UNC79: variants seen among roughly 807,000 people sequenced by gnomAD.
UNC79 encodes the protein protein unc-79 homolog.
UNC79 carries 37 observed loss-of-function variants against 283.1 expected under a neutral mutation model. That is an observed-to-expected ratio of 0.13 (90% CI 0.10 to 0.17). UNC79 has a LOEUF of 0.17. UNC79 is among the 10% of genes least tolerant of loss of function. UNC79 has a pLI of 1.00. For missense variants in UNC79, 2,272 were observed against 3,211.1 expected (o/e 0.71, Z 7.07); for synonymous variants, 1,107 against 1,200.2 (o/e 0.92, Z 1.61).
At chr14:93,525,050 A>C (rs1474963168) in intron 8 of UNC79, among the ~76,000 whole-genome samples, 1 of 152,212 alleles carries the variant, frequency 6.6e-6, no homozygotes, top group East Asian at 1.9e-4. Flanking sequence ...TGCCGGTAAT[A>C]ACACTGTCAT....
chr14:93,615,720 CAAAAAA>C (rs1158073507), intron 27 of UNC79, among the ~76,000 whole-genome samples: 3 of 23,290 alleles, frequency 1.3e-4, no homozygotes, highest in African/African-American at 2.0e-4. Context: ...GACTCCATCT[CAAAAAA>C]AAAAAAAAAA....
chr14:93,455,508 T>C (rs2140188779), intron 1 of UNC79, among the ~76,000 whole-genome samples: 1 of 152,236 alleles, frequency 6.6e-6, no homozygotes, highest in South Asian at 2.1e-4. Flanking sequence ...TGTGTGTGTG[T>C]AGGGGGCTAT....
At chr14:93,624,192 A>T (rs1205248946) in intron 30 of UNC79, among the ~76,000 whole-genome samples, 1 of 152,174 alleles carries the variant, frequency 6.6e-6, no homozygotes, top group Non-Finnish European at 1.5e-5. Flanking sequence ...AGGCATTTCC[A>T]GAGGTTTCTA....
intron 30 of UNC79, among the ~76,000 whole-genome samples, chr14:93,624,569 A>G (rs1018111857): frequency 3.9e-5 from 6 of 152,148 alleles, no homozygotes; most frequent in African/African-American, 1.4e-4. Flanking sequence ...TGGCTTCTTT[A>G]TTCACCCTTA....
chr14:93,353,760 A>G lies in UNC79; in HGVS notation c.-351+20237A>G, dbSNP rs566816105. Among the ~76,000 whole-genome samples, 19 of 152,334 alleles carry G rather than the reference A, an allele frequency of 1.2e-4. No homozygotes were observed. The East Asian group carries it at 2.5e-3, about 20-fold the overall frequency. On this transcript the variant is annotated intron_variant, in intron 1 of 49. Coordinates refer to the UNC79 transcript ENST00000256339. ...GTTCAATATTTGATCACGTTTGGAC[A>G]CTTACTGTACACCACTGTACACTGT...
chr14:93,506,157 A>G (rs926283619), intron 7 of UNC79, among the ~76,000 whole-genome samples: 1 of 151,124 alleles, frequency 6.6e-6, no homozygotes, highest in African/African-American at 2.4e-5. Context: ...ACGTTTTCTC[A>G]GTTAGTGTTT....
intron 34 of UNC79, among the ~76,000 whole-genome samples, chr14:93,645,913 C>CT (rs1306785931): frequency 6.6e-6 from 1 of 152,058 alleles, no homozygotes; most frequent in Non-Finnish European, 1.5e-5. Flanking sequence ...ACTCTTACAC[C>CT]TGTAGTCCTA....
intron 41 of UNC79, among the ~76,000 whole-genome samples, chr14:93,682,157 G>T (rs2073898542): frequency 6.6e-6 from 1 of 152,218 alleles, no homozygotes; most frequent in Non-Finnish European, 1.5e-5. Context: ...GCAGGAAGAT[G>T]AGATGCTGAA....
intron 14 of UNC79, among the ~76,000 whole-genome samples, chr14:93,561,769 C>T (rs749126607): frequency 1.1e-4 from 17 of 152,106 alleles, no homozygotes; most frequent in African/African-American, 1.7e-4. Flanking sequence ...TTAAGAGTGG[C>T]GGTTTGGGGA....
chr14:93,538,225 C>A lies in UNC79; in HGVS notation c.1352+7C>A. ...CCGTGGAAGCCGTGATCAGGTAACA[C>A]GCAGTTTCTTAGTAGCTGCCTCTGA... is the stretch of plus-strand genomic sequence containing the variant. On this transcript the variant is annotated splice_region_variant and intron_variant, in intron 12 of 48. Coordinates refer to ENST00000555664, the Ensembl canonical transcript of UNC79. The A allele has an allele frequency of 6.4e-7, 1 of 1,564,478 alleles. No homozygotes were observed. Among genetic ancestry groups the A allele is most frequent in the African/African-American group, 1.4e-5 (1 of 73,772 alleles).
At chr14:93,641,980 C>A (rs2069080073) in intron 33 of UNC79, among the ~76,000 whole-genome samples, 1 of 152,188 alleles carries the variant, frequency 6.6e-6, no homozygotes, top group Admixed American at 6.5e-5. Context: ...TGTGACTTTG[C>A]TCCCCCTTGC....
chr14:93,417,754 C>G (rs912202902), intron 1 of UNC79, among the ~76,000 whole-genome samples: 6 of 152,016 alleles, frequency 3.9e-5, no homozygotes, highest in Middle Eastern at 3.2e-3. Context: ...CTTCCCTTCT[C>G]GCTTCATTTC....
chr14:93,537,736 A>AG (rs1460232362), intron 11 of UNC79, among the ~76,000 whole-genome samples: 1 of 152,216 alleles, frequency 6.6e-6, no homozygotes, highest in Non-Finnish European at 1.5e-5. Flanking sequence ...AACTTTACAC[A>AG]GGGCTTCCCA....
At chr14:93,532,740 C>G (rs1455834620) in intron 11 of UNC79, among the ~76,000 whole-genome samples, 162 bp downstream of exon 11, 2 of 152,186 alleles carry the variant, frequency 1.3e-5, no homozygotes, top group Admixed American at 1.3e-4. Context: ...AAGATTGCTA[C>G]ATCCAAATGG....
intron 47 of UNC79, among the ~76,000 whole-genome samples, chr14:93,700,441 T>C (rs2075444948): frequency 6.6e-6 from 1 of 152,220 alleles, no homozygotes; most frequent in African/African-American, 2.4e-5. Flanking sequence ...ACTGTTTTAA[T>C]GTCCTTGTCT....
At chr14:93,658,633 T>G (rs1016543096) in intron 38 of UNC79, among the ~76,000 whole-genome samples, 8 of 152,244 alleles carry the variant, frequency 5.3e-5, no homozygotes, top group Non-Finnish European at 8.8e-5. Flanking sequence ...GATTTTGTCT[T>G]GTAGAAATTT....
At chr14:93,631,020 A>T in intron 31 of UNC79, 112 bp downstream of exon 33, 1 of 991,402 alleles carries the variant, frequency 1.0e-6, no homozygotes, top group East Asian at 2.6e-5. Flanking sequence ...TTAATGTTGC[A>T]TCAGCTTCCT....
chr14:93,636,844 A>C (rs2068549296), intron 31 of UNC79, among the ~76,000 whole-genome samples: 1 of 152,108 alleles, frequency 6.6e-6, no homozygotes, highest in South Asian at 2.1e-4. Context: ...GCCCCAAATG[A>C]TCACTTATGT....
chr14:93,447,959 T>C (rs558549455), intron 1 of UNC79, among the ~76,000 whole-genome samples: 2 of 152,334 alleles, frequency 1.3e-5, no homozygotes, highest in Non-Finnish European at 2.9e-5. Context: ...TGGGCTTCTA[T>C]TGGCATGGGC....
Sources: gnomAD v4.1 joint callset for allele counts (sites outside exome capture counted in the v4.1 genomes callset) on GRCh38, gnomAD v4.1.1 for gene constraint, MANE v1.5 for transcripts, NCBI Gene and HGNC (gene_info 2026-07-23, HGNC 2026-07-21) for gene names.